CHIC1: variants seen among roughly 807,000 people sequenced by gnomAD.
The protein encoded by CHIC1 is cysteine-rich hydrophobic domain-containing protein 1.
Under a neutral mutation model 18.5 loss-of-function variants are expected in CHIC1, and 7 were observed. That is an observed-to-expected ratio of 0.38 (90% CI 0.22 to 0.71). The LOEUF (loss-of-function observed/expected upper bound fraction) is 0.71, where lower values mean the gene tolerates loss of function less well. Among genes scored for constraint, CHIC1 ranks in the 30% least tolerant of loss-of-function variants. The pLI is 0.49. For missense variants in CHIC1, 159 were observed against 176.9 expected, an observed-to-expected ratio of 0.90 and a Z score of 0.57; for synonymous variants, 77 against 73.5, an observed-to-expected ratio of 1.05 and a Z score of -0.25.
At chrX:73,572,743 A>G (rs1406152975) in intron 1 of CHIC1, among the ~76,000 whole-genome samples, 1 of 111,122 alleles carries the variant, frequency 9.0e-6, no homozygotes, top group East Asian at 2.8e-4. Flanking sequence ...GGCCACTTAC[A>G]TGTGTTTTTT....
chrX:73,617,112 A>T (rs1475914631), intron 3 of CHIC1, among the ~76,000 whole-genome samples: 1 of 111,792 alleles, frequency 8.9e-6, no homozygotes, highest in Non-Finnish European at 1.9e-5. Context: ...GCTGCTTAGA[A>T]ATTTTTTTTC....
intron 3 of CHIC1, among the ~76,000 whole-genome samples, chrX:73,657,954 C>A (rs1434579409): frequency 9.0e-6 from 1 of 111,241 alleles, no homozygotes; most frequent in African/African-American, 3.3e-5. Context: ...CCTTGTATTC[C>A]AGGGAGAAAG....
At chrX:73,668,263 G>C (rs1940999916) in intron 3 of CHIC1, among the ~76,000 whole-genome samples, 1 of 111,668 alleles carries the variant, frequency 9.0e-6, no homozygotes, top group Non-Finnish European at 1.9e-5. Flanking sequence ...CTCCTGTATT[G>C]TTTTATCATG....
intron 3 of CHIC1, among the ~76,000 whole-genome samples, chrX:73,668,599 A>G (rs1464216695): frequency 2.7e-5 from 3 of 111,213 alleles, no homozygotes; most frequent in Non-Finnish European, 3.8e-5. Flanking sequence ...CCTCTGTTCC[A>G]TAGGGCTGCT....
intron 3 of CHIC1, among the ~76,000 whole-genome samples, chrX:73,601,747 C>T (rs1278892415): frequency 9.5e-6 from 1 of 105,568 alleles, no homozygotes; most frequent in Non-Finnish European, 1.9e-5. Flanking sequence ...ACAAAAAACC[C>T]TTCAAAAAAT....
At chrX:73,603,978 T>G (rs1265982415) in intron 3 of CHIC1, among the ~76,000 whole-genome samples, 1 of 107,234 alleles carries the variant, frequency 9.3e-6, no homozygotes, top group South Asian at 3.8e-4. Context: ...TTGTTGTTGT[T>G]TCTCTGCCAG....
chrX:73,624,611 GCTAA>G (rs1236123556), intron 3 of CHIC1, among the ~76,000 whole-genome samples: 5 of 111,533 alleles, frequency 4.5e-5, no homozygotes, highest in Non-Finnish European at 7.5e-5. Context: ...AATTTTTAGG[GCTAA>G]CTATGACATG....
intron 3 of CHIC1, among the ~76,000 whole-genome samples, chrX:73,675,766 C>G (rs775887600): frequency 8.1e-5 from 9 of 110,861 alleles, no homozygotes; most frequent in African/African-American, 2.6e-4. Flanking sequence ...GAATTTGATC[C>G]TGTCGTTATG....
intron 3 of CHIC1, among the ~76,000 whole-genome samples, chrX:73,631,362 C>T (rs1289450055): frequency 9.0e-6 from 1 of 110,801 alleles, no homozygotes; most frequent in Non-Finnish European, 1.9e-5. Flanking sequence ...CGTAGTGGCT[C>T]ACACCTGTAA....
chrX:73,671,156 G>A (rs1017700889), intron 3 of CHIC1, among the ~76,000 whole-genome samples: 11 of 111,777 alleles, frequency 9.8e-5, no homozygotes, highest in Non-Finnish European at 1.9e-4. Flanking sequence ...TTTCTGCTGA[G>A]AAATCTCCTG....
intron 3 of CHIC1, among the ~76,000 whole-genome samples, chrX:73,663,963 C>A (rs1433236604): frequency 9.0e-6 from 1 of 111,656 alleles, no homozygotes; most frequent in Non-Finnish European, 1.9e-5. Flanking sequence ...CCCACTGTTC[C>A]TGGAGGCAGG....
At chrX:73,616,385 T>A (rs1382191722) in intron 3 of CHIC1, among the ~76,000 whole-genome samples, 1 of 111,644 alleles carries the variant, frequency 9.0e-6, no homozygotes, top group Non-Finnish European at 1.9e-5. Context: ...GCGTTGAATG[T>A]CTGCAGCTTT....
chrX:73,680,218 T>A (rs1293015192), intron 5 of CHIC1, among the ~76,000 whole-genome samples: 1 of 109,519 alleles, frequency 9.1e-6, no homozygotes, highest in Non-Finnish European at 1.9e-5. Flanking sequence ...ATATAGCCAA[T>A]GTGATCAATT....
rs757788462 is a variant in CHIC1, at chrX:73,578,329, G to A, written c.351+868G>A. On this transcript the variant is annotated intron_variant, in intron 2 of 5. Coordinates refer to ENST00000373502, the MANE Select transcript of CHIC1 (RefSeq NM_001039840.4). The stretch of plus-strand genomic sequence containing the variant: ...CTAAGGCAAAAAGTTATTTACATAC[G>A]TTTGTTACTTGAGGAAGTGTAGAAC... 3.6e-5 allele frequency among the ~76,000 whole-genome samples: 4 copies of A among 110,668 alleles called. No homozygotes were observed. In the East Asian group the frequency reaches 1.1e-3, roughly 31 times the overall value.
intron 3 of CHIC1, among the ~76,000 whole-genome samples, chrX:73,626,040 G>A (rs1056883740): frequency 2.7e-5 from 3 of 110,748 alleles, no homozygotes; most frequent in Non-Finnish European, 5.7e-5. Flanking sequence ...TACTAGAAAG[G>A]GGTCCGGATC....
rs189126531 is a variant in CHIC1 at position 73,621,074 on chromosome X, C to A, written c.507+36502C>A. Among the ~76,000 whole-genome samples, 478 of 111,783 alleles carry A rather than the reference C, an allele frequency of 4.3e-3. 1 individual carries two copies. The highest frequency in any genetic ancestry group is 6.9e-3 in the Non-Finnish European group (366 of 53,160). ...TTGGACTATATATCTGTTTTTGTAC[C>A]AGTACCATGCTGTTTTGGTTACTGT... On this transcript the variant is annotated intron_variant, in intron 3 of 5. Transcript: ENST00000373502.
intron 3 of CHIC1, among the ~76,000 whole-genome samples, chrX:73,616,574 C>T (rs909780578): frequency 1.1e-4 from 12 of 112,051 alleles, no homozygotes; most frequent in African/African-American, 3.6e-4. Context: ...CAAACTTCTG[C>T]CTGAACATCC....
chrX:73,597,140 A>G (rs1188671043), intron 3 of CHIC1, among the ~76,000 whole-genome samples: 1 of 112,312 alleles, frequency 8.9e-6, no homozygotes, highest in Non-Finnish European at 1.9e-5. Flanking sequence ...GGAGATCCTC[A>G]TCAATGTGTG....
intron 3 of CHIC1, among the ~76,000 whole-genome samples, chrX:73,594,142 CTTTGTTTTGT>C (rs199752892): frequency 1.2e-3 from 122 of 101,571 alleles, no homozygotes; most frequent in Middle Eastern, 4.8e-3. Flanking sequence ...AGGTGCTTTC[CTTTGTTTTGT>C]TTTGTTTTGT....
Sources: gnomAD v4.1 joint callset for allele counts (sites outside exome capture counted in the v4.1 genomes callset) on GRCh38, gnomAD v4.1.1 for gene constraint, MANE v1.5 for transcripts, NCBI Gene and HGNC (gene_info 2026-07-23, HGNC 2026-07-21) for gene names.